HELZ: variants seen among roughly 807,000 people sequenced by gnomAD.
The protein encoded by HELZ is helicase with zinc finger, also known as ATP-dependent RNA helicase with zinc finger domain.
HELZ carries 23 observed loss-of-function variants against 218.2 expected under a neutral mutation model. That is an observed-to-expected ratio of 0.11 (90% CI 0.08 to 0.15). The LOEUF (loss-of-function observed/expected upper bound fraction) is 0.15, where lower values mean the gene tolerates loss of function less well. Among genes scored for constraint, HELZ ranks in the 10% least tolerant of loss-of-function variants. HELZ has a pLI of 1.00. For missense variants in HELZ, 1,813 were observed against 2,353.7 expected, an observed-to-expected ratio of 0.77 and a Z score of 4.75; for synonymous variants, 814 against 829.4, an observed-to-expected ratio of 0.98 and a Z score of 0.32.
chr17:67,228,787 C>T (rs1190446351), intron 3 of HELZ, among the ~76,000 whole-genome samples: 4 of 151,856 alleles, frequency 2.6e-5, no homozygotes, highest in South Asian at 2.1e-4. Flanking sequence ...AACGCAATCT[C>T]GGCTCACTGC....
At chr17:67,208,430 C>T (rs1037946678) in intron 5 of HELZ, among the ~76,000 whole-genome samples, 2 of 151,964 alleles carry the variant, frequency 1.3e-5, no homozygotes, top group African/African-American at 4.8e-5. Context: ...TGATATGGTG[C>T]CAGAGTTATG....
At chr17:67,191,351 TG>T (rs1185324416) in intron 9 of HELZ, among the ~76,000 whole-genome samples, 2 of 152,226 alleles carry the variant, frequency 1.3e-5, no homozygotes, top group African/African-American at 4.8e-5. Context: ...AAATTATAAA[TG>T]TTCATTTTAA....
At chr17:67,244,263 G>GATTT (rs1190956341) in intron 1 of HELZ, among the ~76,000 whole-genome samples, 1 of 151,948 alleles carries the variant, frequency 6.6e-6, no homozygotes, top group Non-Finnish European at 1.5e-5. Flanking sequence ...TTATATTAAT[G>GATTT]ATTTGCCTGA....
rs1181302380 is a variant in HELZ, at chr17:67,074,612, T to A, written c.*3640A>T. 1 of 152,130 alleles carries A rather than the reference T, an allele frequency of 6.6e-6. No homozygotes were observed. Among genetic ancestry groups the A allele is most frequent in the Admixed American group, 6.5e-5 (1 of 15,278 alleles). The allele number at this position is 152,130 out of a possible 1,614,324, so 9.4% of individuals were successfully genotyped here. ...ATTAAACACATAAAATCAACTACAC[T>A]AGAGCAACACAATACTATATATTAA... On this transcript the variant is annotated 3_prime_UTR_variant, in exon 33 of 33. Transcript: ENST00000358691.
At chr17:67,153,538 T>C (rs2038752943) in intron 17 of HELZ, among the ~76,000 whole-genome samples, 1 of 152,256 alleles carries the variant, frequency 6.6e-6, no homozygotes, top group Non-Finnish European at 1.5e-5. Flanking sequence ...AAACCTGTTC[T>C]TCCCCTCTCT....
At chr17:67,185,260 G>A (rs2039723142) in intron 12 of HELZ, among the ~76,000 whole-genome samples, 1 of 152,082 alleles carries the variant, frequency 6.6e-6, no homozygotes, top group South Asian at 2.1e-4. Context: ...TAAACAAATT[G>A]TTTGCCCATA....
At chr17:67,245,592 C>G, upstream of HELZ, 1 of 908,732 alleles carries the variant, frequency 1.1e-6, no homozygotes, top group Non-Finnish European at 1.3e-6. Flanking sequence ...GTGAGCGTTT[C>G]TGCTCCTGCG....
intron 3 of HELZ, among the ~76,000 whole-genome samples, chr17:67,232,452 T>C (rs764386826): frequency 3.3e-5 from 5 of 152,194 alleles, no homozygotes; most frequent in Admixed American, 1.3e-4. Context: ...GTGTCTGGCA[T>C]TGTATTTTAA....
At chr17:67,148,189 A>G (rs1374967386) in intron 20 of HELZ, among the ~76,000 whole-genome samples, 1 of 152,096 alleles carries the variant, frequency 6.6e-6, no homozygotes, top group Non-Finnish European at 1.5e-5. Flanking sequence ...GGGATTGGAC[A>G]TTATTTCTGG....
intron 5 of HELZ, among the ~76,000 whole-genome samples, chr17:67,213,785 C>T (rs949140683): frequency 3.3e-5 from 5 of 152,034 alleles, no homozygotes; most frequent in African/African-American, 1.2e-4. Context: ...ACCTAAATGC[C>T]CATCAATACG....
chr17:67,235,749 CTTTTTTT>C (rs1216322685), intron 3 of HELZ, among the ~76,000 whole-genome samples: 5 of 78,674 alleles, frequency 6.4e-5, no homozygotes, highest in Admixed American at 3.5e-4. Context: ...ACCACACACT[CTTTTTTT>C]TTTTTTTTTT....
chr17:67,201,649 T>C (rs1008981261), intron 6 of HELZ, among the ~76,000 whole-genome samples: 3 of 152,204 alleles, frequency 2.0e-5, no homozygotes, highest in Non-Finnish European at 4.4e-5. Context: ...AAGGAAAATA[T>C]CACTCTTCTG....
chr17:67,145,088 G>A (rs1471491883), intron 21 of HELZ, among the ~76,000 whole-genome samples: 1 of 152,142 alleles, frequency 6.6e-6, no homozygotes, highest in Non-Finnish European at 1.5e-5. Context: ...TGGAGATCAA[G>A]AGCCATGCCG....
rs938094946 is a variant in HELZ, at chr17:67,075,199, C to A, written c.*3053G>T. On this transcript the variant is annotated 3_prime_UTR_variant, in exon 33 of 33. Transcript: ENST00000358691. ...TTACAAACTCTATCATCCAAAATAT[C>A]GTCTTTCAGGTTAAAAAAAAAGAAA... is the stretch of plus-strand genomic sequence containing the variant. 1.3e-5 allele frequency: 2 copies of A among 151,752 alleles called. No homozygotes were observed. Among genetic ancestry groups the A allele is most frequent in the Non-Finnish European group, 2.9e-5 (2 of 67,932 alleles). 9.4% of individuals were successfully genotyped at this position (151,752 alleles called of 1,614,324 possible). A position where few individuals can be genotyped will look rare whatever the true frequency, so the allele number is the denominator to read the frequency against.
intron 16 of HELZ, 87 bp downstream of exon 16, chr17:67,160,810 G>T: frequency 1.0e-6 from 1 of 955,708 alleles, no homozygotes; most frequent in Non-Finnish European, 1.5e-6. Context: ...CATGAAAACT[G>T]TCTTGCTAGC....
At chr17:67,175,497 T>C (rs965992117) in intron 13 of HELZ, among the ~76,000 whole-genome samples, 3 of 152,204 alleles carry the variant, frequency 2.0e-5, no homozygotes, top group African/African-American at 7.2e-5. Flanking sequence ...GAAAACAAAA[T>C]ACTCTTTTAA....
chr17:67,185,188 T>C (rs751603926), intron 12 of HELZ, among the ~76,000 whole-genome samples: 5 of 152,164 alleles, frequency 3.3e-5, no homozygotes, highest in Non-Finnish European at 7.3e-5. Context: ...AGATACAAAA[T>C]AGGACACTGC....
intron 20 of HELZ, among the ~76,000 whole-genome samples, chr17:67,147,569 T>C (rs2038538817): frequency 6.6e-6 from 1 of 151,856 alleles, no homozygotes; most frequent in South Asian, 2.1e-4. Flanking sequence ...CCTCAACCTC[T>C]TGGGTTCAAG....
chr17:67,215,373 T>C (rs1434415717), intron 5 of HELZ, among the ~76,000 whole-genome samples: 1 of 148,594 alleles, frequency 6.7e-6, no homozygotes, highest in East Asian at 2.0e-4. Flanking sequence ...TTTTGAGACG[T>C]AGTCTCACTC....
Sources: gnomAD v4.1 joint callset for allele counts (sites outside exome capture counted in the v4.1 genomes callset) on GRCh38, gnomAD v4.1.1 for gene constraint, MANE v1.5 for transcripts, NCBI Gene and HGNC (gene_info 2026-07-23, HGNC 2026-07-21) for gene names.